PDE2A: variants seen among roughly 807,000 people sequenced by gnomAD.
PDE2A encodes the protein phosphodiesterase 2A.
In PDE2A, 53 loss-of-function variants were observed where a neutral mutation model predicts 133.6. The observed-to-expected ratio is 0.40, with a 90% CI of 0.32 to 0.50. The LOEUF is 0.50. PDE2A is among the 20% of genes least tolerant of loss of function. The probability of loss-of-function intolerance (pLI) is 0.73; values close to 1 mark genes in which losing one functional copy is unlikely to be tolerated. For missense variants in PDE2A, 796 were observed against 1,232.4 expected (o/e 0.65, Z 5.30); for synonymous variants, 491 against 490.2 (o/e 1.00, Z -0.02).
chr11:72,662,547 G>A (rs1855096847), intron 1 of PDE2A, among the ~76,000 whole-genome samples: 1 of 152,152 alleles, frequency 6.6e-6, no homozygotes, highest in South Asian at 2.1e-4. Context: ...GTCTGAGGGG[G>A]TGGCTTATGG....
Position 72,576,290 on chromosome 11 carries a change from G to A in PDE2A, c.*1094C>T, listed in dbSNP as rs749187286. The stretch of plus-strand genomic sequence containing the variant: ...TGGACCCCCTCCCCCACCCCACAAC[G>A]CACACAGAATGAAACAGAGAAAAAG... On this transcript the variant is annotated 3_prime_UTR_variant, in exon 31 of 31. Coordinates refer to ENST00000334456, the MANE Select transcript of PDE2A (RefSeq NM_002599.5). 118 of 151,236 alleles carry A rather than the reference G, an allele frequency of 7.8e-4. No homozygotes were observed. The highest frequency in any genetic ancestry group is 1.1e-3 in the Non-Finnish European group (77 of 67,944). 9.4% of individuals were successfully genotyped at this position (151,236 alleles called of 1,614,324 possible).
intron 2 of PDE2A, chr11:72,621,748 C>T (rs1243416421): frequency 6.6e-6 from 1 of 152,166 alleles, no homozygotes; most frequent in East Asian, 1.9e-4. Flanking sequence ...GACCTCCTAG[C>T]CTTAAAAAAC....
intron 2 of PDE2A, chr11:72,631,126 G>T (rs1216472070): frequency 6.5e-7 from 1 of 1,547,612 alleles, no homozygotes; most frequent in Non-Finnish European, 8.7e-7. Context: ...CCTTTGCAAG[G>T]GGGTCCAGGC....
At chr11:72,596,906 A>G (rs1856516889) in intron 5 of PDE2A, among the ~76,000 whole-genome samples, 1 of 152,180 alleles carries the variant, frequency 6.6e-6, no homozygotes, top group Non-Finnish European at 1.5e-5. Context: ...GCAGGGAGGA[A>G]GGCAGGTGAG....
At chr11:72,591,825 C>T (rs377065808) in intron 6 of PDE2A, among the ~76,000 whole-genome samples, 56 of 152,142 alleles carry the variant, frequency 3.7e-4, no homozygotes, top group Admixed American at 2.2e-3. Context: ...TGAGGATGGA[C>T]GGGTGAATGA....
chr11:72,661,229 T>C (rs2135458128), intron 1 of PDE2A, among the ~76,000 whole-genome samples: 1 of 152,132 alleles, frequency 6.6e-6, no homozygotes, highest in East Asian at 1.9e-4. Flanking sequence ...CGCCTGAACC[T>C]GGGAGGTGGA....
intron 22 of PDE2A, 142 bp from the exon 23 acceptor site, chr11:72,581,621 C>G (rs1317359169): frequency 2.0e-6 from 2 of 998,442 alleles, no homozygotes; most frequent in African/African-American, 1.6e-5. Context: ...CAGGAAGTTC[C>G]TATGCACATC....
chr11:72,596,474 T>TCA (rs1171582119), intron 6 of PDE2A, 119 bp downstream of exon 6: 581 of 248,224 alleles, frequency 2.3e-3, no homozygotes, highest in South Asian at 0.015. Context: ...TCTCTCTCTC[T>TCA]CTCTCTCTCT....
At chr11:72,596,484 T>TCACACACACACA (rs60716742) in intron 6 of PDE2A, 109 bp downstream of exon 6, 342 of 192,150 alleles carry the variant, frequency 1.8e-3, no homozygotes, top group Middle Eastern at 3.9e-3. Context: ...TCTCTCTCTC[T>TCACACACACACA]CACACACACA....
At chr11:72,606,379 T>C (rs993900209) in intron 3 of PDE2A, among the ~76,000 whole-genome samples, 26 of 152,108 alleles carry the variant, frequency 1.7e-4, no homozygotes, top group Non-Finnish European at 1.3e-4. Flanking sequence ...GTGGAATCCT[T>C]CCCAGAAGAA....
intron 26 of PDE2A, 64 bp downstream of exon 26, chr11:72,579,470 T>C: frequency 6.4e-7 from 1 of 1,558,810 alleles, no homozygotes; most frequent in Non-Finnish European, 8.8e-7. Flanking sequence ...CCTTGGCTCC[T>C]TATCCCACCT....
chr11:72,653,779 CCCCCAGCCTCGCCTGT>C (rs1226738223), intron 1 of PDE2A, among the ~76,000 whole-genome samples: 1 of 152,202 alleles, frequency 6.6e-6, no homozygotes, highest in African/African-American at 2.4e-5. Context: ...TGGGGGTCAC[CCCCCAGCCTCGCCTGT>C]CCCCTAGAAC....
chr11:72,611,367 A>G (rs908322755), intron 2 of PDE2A, among the ~76,000 whole-genome samples: 6 of 152,174 alleles, frequency 3.9e-5, no homozygotes, highest in African/African-American at 1.4e-4. Flanking sequence ...GTTCCTGCTC[A>G]GCACCCGATC....
intron 1 of PDE2A, among the ~76,000 whole-genome samples, chr11:72,646,440 T>A (rs573525924): frequency 6.6e-6 from 1 of 152,338 alleles, no homozygotes; most frequent in East Asian, 1.9e-4. Context: ...ATGTAGATGC[T>A]TACCTGAGAT....
At chr11:72,664,632 C>T (rs542662433) in intron 1 of PDE2A, among the ~76,000 whole-genome samples, 71 of 151,976 alleles carry the variant, frequency 4.7e-4, no homozygotes, top group Non-Finnish European at 9.0e-4. Context: ...CTCAGCCTCC[C>T]AAAGTACTGG....
intron 1 of PDE2A, chr11:72,652,745 A>G (rs1854776851): frequency 2.2e-6 from 1 of 456,114 alleles, no homozygotes; most frequent in Non-Finnish European, 4.4e-6. Flanking sequence ...AAATGATGGA[A>G]CAGCAATTTC....
At chr11:72,660,247 A>T (rs933849747) in intron 1 of PDE2A, among the ~76,000 whole-genome samples, 4 of 152,218 alleles carry the variant, frequency 2.6e-5, no homozygotes, top group African/African-American at 9.7e-5. Context: ...GTAAAAAATT[A>T]AAAATAAATT....
intron 1 of PDE2A, among the ~76,000 whole-genome samples, chr11:72,658,745 C>T (rs1854968940): frequency 6.6e-6 from 1 of 152,194 alleles, no homozygotes; most frequent in Non-Finnish European, 1.5e-5. Flanking sequence ...TTACTGAACA[C>T]CTACTTTGTG....
chr11:72,582,783 G>C (rs957459892), intron 20 of PDE2A, among the ~76,000 whole-genome samples: 1 of 152,134 alleles, frequency 6.6e-6, no homozygotes, highest in Admixed American at 6.5e-5. Flanking sequence ...CCCTTTATCT[G>C]TAACAGCATA....
Sources: allele counts gnomAD v4.1 joint callset (sites outside exome capture counted in the v4.1 genomes callset), GRCh38; gene constraint gnomAD v4.1.1; transcripts MANE v1.5; gene names NCBI Gene and HGNC (gene_info 2026-07-23, HGNC 2026-07-21).